Variants in SLCO6A1 observed in about 807,000 individuals in gnomAD.
SLCO6A1 encodes solute carrier organic anion transporter family member 6A1.
SLCO6A1 carries 65 observed loss-of-function variants against 72.7 expected under a neutral mutation model. That is an observed-to-expected ratio of 0.89 (90% CI 0.73 to 1.10). The LOEUF (loss-of-function observed/expected upper bound fraction) is 1.10, where lower values mean the gene tolerates loss of function less well. SLCO6A1 is among the 50% of genes least tolerant of loss of function. The pLI, the probability that SLCO6A1 is intolerant of heterozygous loss-of-function variation, is 0.00. For missense variants in SLCO6A1, 874 were observed against 872.6 expected (o/e 1.00, Z -0.02); for synonymous variants, 314 against 298.2 (o/e 1.05, Z -0.55).
chr5:102,381,982 T>C (rs1746134567), intron 12 of SLCO6A1, among the ~76,000 whole-genome samples: 1 of 151,746 alleles, frequency 6.6e-6, no homozygotes, highest in East Asian at 1.9e-4. Flanking sequence ...TTATCAGATA[T>C]ATGGGTTGCA....
At chr5:102,446,279 T>C (rs1750103496) in intron 6 of SLCO6A1, among the ~76,000 whole-genome samples, 1 of 152,210 alleles carries the variant, frequency 6.6e-6, no homozygotes. Flanking sequence ...CTTGTACGGA[T>C]CTTTGAACAT....
intron 7 of SLCO6A1, among the ~76,000 whole-genome samples, chr5:102,436,206 G>A (rs1252652169): frequency 5.3e-5 from 8 of 152,142 alleles, no homozygotes; most frequent in Non-Finnish European, 2.9e-5. Flanking sequence ...AGGTGCATAA[G>A]AATTTAGTGT....
intron 4 of SLCO6A1, among the ~76,000 whole-genome samples, chr5:102,463,508 G>T (rs1000552535): frequency 6.6e-6 from 1 of 152,120 alleles, no homozygotes; most frequent in African/African-American, 2.4e-5. Flanking sequence ...CAAAAATATG[G>T]AACCAGACTA....
At chr5:102,482,957 G>A (rs1219235357) in intron 1 of SLCO6A1, among the ~76,000 whole-genome samples, 3 of 152,136 alleles carry the variant, frequency 2.0e-5, no homozygotes, top group Non-Finnish European at 4.4e-5. Context: ...ACTCTTCCTG[G>A]TAGCAAGGCA....
At chr5:102,402,098 G>C (rs1190916929) in intron 9 of SLCO6A1, among the ~76,000 whole-genome samples, 2 of 152,084 alleles carry the variant, frequency 1.3e-5, no homozygotes, top group African/African-American at 2.4e-5. Context: ...TGAAAGAAAG[G>C]AAGTTGTAGA....
intron 4 of SLCO6A1, among the ~76,000 whole-genome samples, chr5:102,461,177 A>C (rs1343489084): frequency 6.6e-6 from 1 of 151,954 alleles, no homozygotes; most frequent in Non-Finnish European, 1.5e-5. Context: ...GGGAAAAACA[A>C]TATAATGGTT....
At position 102,420,620 on chromosome 5, in the gene SLCO6A1, A is replaced by C. The variant is rs144059967; in HGVS notation, c.1277-599T>G. 3.5e-3 allele frequency among the ~76,000 whole-genome samples: 530 copies of C among 152,284 alleles called. 6 individuals are homozygous for C. Among genetic ancestry groups the C allele is most frequent in the Admixed American group, 9.7e-3 (149 of 15,304 alleles). Reference sequence around the variant, plus strand: ...GAGGAGGAGCAGGAGAAATATAGTCAGAAGACAATCAGATGAGATAGCACA... The same window carrying C: ...GAGGAGGAGCAGGAGAAATATAGTCCGAAGACAATCAGATGAGATAGCACA... On this transcript the variant is annotated intron_variant, in intron 7 of 13. Transcript: ENST00000506729.
At chr5:102,399,331 TTTAAA>T (rs1291082172) in intron 10 of SLCO6A1, among the ~76,000 whole-genome samples, 2 of 152,082 alleles carry the variant, frequency 1.3e-5, no homozygotes, top group Non-Finnish European at 2.9e-5. Flanking sequence ...AATACATTGT[TTTAAA>T]TTAAAGTTAA....
intron 6 of SLCO6A1, among the ~76,000 whole-genome samples, chr5:102,441,441 A>G (rs975407782): frequency 7.9e-5 from 12 of 152,156 alleles, no homozygotes; most frequent in African/African-American, 2.7e-4. Context: ...ATCTATATCA[A>G]GGAAATGCTA....
intron 7 of SLCO6A1, among the ~76,000 whole-genome samples, chr5:102,434,991 C>A (rs1328323482): frequency 6.6e-5 from 10 of 152,096 alleles, no homozygotes; most frequent in Non-Finnish European, 1.5e-4. Flanking sequence ...AAGTGCAGTA[C>A]ATAATTTCTT....
At chr5:102,402,198 G>C (rs559412789) in intron 9 of SLCO6A1, among the ~76,000 whole-genome samples, 1 of 152,172 alleles carries the variant, frequency 6.6e-6, no homozygotes, top group South Asian at 2.1e-4. Context: ...CATTGCATGA[G>C]GTGGGGTGCA....
chr5:102,453,120 C>A (rs774161703), intron 6 of SLCO6A1, among the ~76,000 whole-genome samples: 5 of 151,918 alleles, frequency 3.3e-5, no homozygotes, highest in African/African-American at 4.8e-5. Flanking sequence ...CAATTCTTCC[C>A]CTAATCTAAA....
At chr5:102,372,506 T>C (rs902547730) in intron 13 of SLCO6A1, among the ~76,000 whole-genome samples, 1 of 151,976 alleles carries the variant, frequency 6.6e-6, no homozygotes, top group African/African-American at 2.4e-5. Flanking sequence ...AAAATCTCTA[T>C]ACAAATGCAT....
chr5:102,476,760 C>T (rs1447169189), intron 3 of SLCO6A1, among the ~76,000 whole-genome samples: 1 of 151,962 alleles, frequency 6.6e-6, no homozygotes, highest in Non-Finnish European at 1.5e-5. Flanking sequence ...TTGGGGTGCT[C>T]TAGCAAGATG....
At chr5:102,458,337 C>G (rs1255398818) in intron 6 of SLCO6A1, 45 bp downstream of exon 6, 1 of 1,369,926 alleles carries the variant, frequency 7.3e-7, no homozygotes, top group Non-Finnish European at 1.0e-6. Flanking sequence ...GAAAATTAAA[C>G]AGGTCAACTT....
intron 9 of SLCO6A1, among the ~76,000 whole-genome samples, chr5:102,400,057 T>C (rs978374373): frequency 3.3e-5 from 5 of 151,932 alleles, no homozygotes; most frequent in Non-Finnish European, 7.4e-5. Flanking sequence ...GTTAAATATA[T>C]AAATTGAGGG....
intron 9 of SLCO6A1, among the ~76,000 whole-genome samples, chr5:102,404,067 C>A (rs1223209908): frequency 6.6e-6 from 1 of 152,122 alleles, no homozygotes; most frequent in Admixed American, 6.5e-5. Flanking sequence ...TTATTCCCTT[C>A]TGAGTTTTAA....
chr5:102,415,215 C>T lies in SLCO6A1; in HGVS notation c.1473-2072G>A, dbSNP rs576251460. 1.3e-4 allele frequency among the ~76,000 whole-genome samples: 20 copies of T among 152,106 alleles called. No individual in the cohort carries two copies. The South Asian group carries it at 4.2e-3, about 32-fold the overall frequency. ...ATAGAATTTTTTAAATCCTAAAATGCATATACAAACAAAACTAGAAGCCCA... is the reference window on the plus strand; with the variant it reads ...ATAGAATTTTTTAAATCCTAAAATGTATATACAAACAAAACTAGAAGCCCA... On this transcript the variant is annotated intron_variant, in intron 8 of 13. Coordinates refer to ENST00000506729, the MANE Select transcript of SLCO6A1 (RefSeq NM_173488.5).
intron 1 of SLCO6A1, among the ~76,000 whole-genome samples, chr5:102,484,507 G>C (rs1752353388): frequency 6.6e-6 from 1 of 152,032 alleles, no homozygotes; most frequent in Non-Finnish European, 1.5e-5. Context: ...AAATTAGCCA[G>C]GCGTGGTGGC....
Sources: allele counts gnomAD v4.1 joint callset (sites outside exome capture counted in the v4.1 genomes callset), GRCh38; gene constraint gnomAD v4.1.1; transcripts MANE v1.5; gene names NCBI Gene and HGNC (gene_info 2026-07-23, HGNC 2026-07-21).